The following ITPR2 variants were observed in gnomAD, a reference collection of about 807,000 sequenced individuals.
The protein encoded by ITPR2 is inositol 1,4,5-trisphosphate receptor type 2, also known as inositol 1,4,5-trisphosphate-gated calcium channel ITPR2.
Under a neutral mutation model 317.1 loss-of-function variants are expected in ITPR2, and 207 were observed. The observed-to-expected ratio is 0.65, with a 90% CI of 0.58 to 0.73. ITPR2 has a LOEUF of 0.73. Among genes scored for constraint, ITPR2 ranks in the 30% least tolerant of loss-of-function variants. The probability of loss-of-function intolerance (pLI) is 0.00; values close to 1 mark genes in which losing one functional copy is unlikely to be tolerated. For missense variants in ITPR2, 2,613 were observed against 3,284.0 expected, an observed-to-expected ratio of 0.80 and a Z score of 4.99; for synonymous variants, 1,156 against 1,149.1, an observed-to-expected ratio of 1.01 and a Z score of -0.12.
At chr12:26,674,443 G>A (rs1947860623) in intron 13 of ITPR2, among the ~76,000 whole-genome samples, 1 of 152,128 alleles carries the variant, frequency 6.6e-6, no homozygotes, top group Non-Finnish European at 1.5e-5. Flanking sequence ...CAAGCAATGG[G>A]AAAAGGATTC....
intron 36 of ITPR2, among the ~76,000 whole-genome samples, chr12:26,554,176 T>G (rs1185822878): frequency 6.6e-6 from 1 of 152,202 alleles, no homozygotes; most frequent in African/African-American, 2.4e-5. Context: ...TATCTCCAAG[T>G]TCTAGACCAG....
intron 15 of ITPR2, among the ~76,000 whole-genome samples, chr12:26,659,526 T>A (rs544604128): frequency 1.3e-4 from 20 of 152,352 alleles, no homozygotes; most frequent in African/African-American, 4.6e-4. Context: ...TAATTATCAG[T>A]ATAGGTATTT....
intron 1 of ITPR2, among the ~76,000 whole-genome samples, chr12:26,812,768 T>A (rs1254418960): frequency 6.6e-6 from 1 of 152,252 alleles, no homozygotes; most frequent in Non-Finnish European, 1.5e-5. Flanking sequence ...CGTTAAATGA[T>A]GTTTTCAATT....
intron 13 of ITPR2, among the ~76,000 whole-genome samples, chr12:26,677,539 G>T (rs1947939106): frequency 6.6e-6 from 1 of 152,004 alleles, no homozygotes. Flanking sequence ...GGTTGAAGCT[G>T]CAGTGAGCCA....
At chr12:26,820,735 T>C (rs1347610970) in intron 1 of ITPR2, among the ~76,000 whole-genome samples, 1 of 152,176 alleles carries the variant, frequency 6.6e-6, no homozygotes, top group African/African-American at 2.4e-5. Flanking sequence ...CAAATGCCTA[T>C]CAACTGATGA....
At chr12:26,409,413 G>A (rs979411217) in intron 52 of ITPR2, among the ~76,000 whole-genome samples, 1 of 152,196 alleles carries the variant, frequency 6.6e-6, no homozygotes, top group Non-Finnish European at 1.5e-5. Flanking sequence ...TGCAACTGAA[G>A]AATTGCACAA....
intron 51 of ITPR2, among the ~76,000 whole-genome samples, chr12:26,415,096 T>G (rs1299459799): frequency 6.6e-6 from 1 of 152,118 alleles, no homozygotes; most frequent in Non-Finnish European, 1.5e-5. Flanking sequence ...GTGTTTCTCA[T>G]GTAAGTATTT....
chr12:26,436,253 A>G lies in ITPR2; in HGVS notation c.6737T>C (p.Leu2246Pro), dbSNP rs1404882920. 1 of 1,612,380 alleles carries G rather than the reference A, an allele frequency of 6.2e-7. No individual in the cohort carries two copies. Among genetic ancestry groups the G allele is most frequent in the Non-Finnish European group, 8.5e-7 (1 of 1,179,334 alleles). Residue 2246 changes from leucine (L) to proline (P), a missense_variant, in exon 48 of 57, where the codon CTC becomes CCC. Leu to Pro is a moderately conservative substitution (Grantham distance 98, BLOSUM62 -3). Coordinates refer to ENST00000381340, the MANE Select transcript of ITPR2 (RefSeq NM_002223.4). ...TCCATCATCCCCAAATGGGTAGAAG[A>G]GAGCAACAGCTAAATTGATGAACAC... The part of the protein sequence containing the change: ...LAVFINLAVA[L>P]FYPFGDDGDE...
At chr12:26,625,874 T>G (rs1946611370) in intron 23 of ITPR2, among the ~76,000 whole-genome samples, 1 of 152,192 alleles carries the variant, frequency 6.6e-6, no homozygotes. Context: ...GGGCATTTTT[T>G]TTTCTACGTG....
At chr12:26,615,908 T>C (rs974493255) in intron 26 of ITPR2, among the ~76,000 whole-genome samples, 2 of 152,018 alleles carry the variant, frequency 1.3e-5, no homozygotes, top group Admixed American at 1.3e-4. Flanking sequence ...AAGCTTGATT[T>C]GCCAGTCATC....
Position 26,561,827 on chromosome 12 carries a change from G to A in ITPR2, c.4756C>T (p.Pro1586Ser). 1 of 1,595,752 alleles carries A rather than the reference G, an allele frequency of 6.3e-7. No homozygotes were observed. ...CCTCCAAGAGCTTCCTTAAAGCGTGGCCCAGAGCGAGCTGATAGTCTCCAA... is the reference window on the plus strand; with the variant it reads ...CCTCCAAGAGCTTCCTTAAAGCGTGACCCAGAGCGAGCTGATAGTCTCCAA... The part of the protein sequence containing the change: ...MGWRLSARSG[P>S]RFKEALGGPA... The change falls in exon 35 of 57, where the codon CCA becomes TCA. Residue 1586 changes from proline (P) to serine (S), a missense_variant. By Grantham distance (74) the Pro-to-Ser change is moderately conservative (BLOSUM62 -1). This residue lies in a region of ITPR2 where 926 missense variants were observed against 1,072.8 expected (regional missense o/e 0.86). Coordinates refer to ENST00000381340, the MANE Select transcript of ITPR2 (RefSeq NM_002223.4).
intron 26 of ITPR2, among the ~76,000 whole-genome samples, chr12:26,616,821 T>C (rs2136789706): frequency 6.6e-6 from 1 of 152,270 alleles, no homozygotes; most frequent in Middle Eastern, 3.4e-3. Context: ...CAACCCTCCC[T>C]CTTCCTCCTC....
Position 26,494,214 on chromosome 12 carries a change from A to G in ITPR2, c.5309T>C (p.Ile1770Thr). The G allele has an allele frequency of 6.2e-7, 1 of 1,613,194 alleles. No individual in the cohort carries two copies. The highest frequency in any genetic ancestry group is 8.5e-7 in the Non-Finnish European group (1 of 1,179,622). The change falls in exon 39 of 57, where the codon ATT becomes ACT. Residue 1770 changes from isoleucine (I) to threonine (T), a missense_variant. Physicochemically the swap from Ile to Thr is moderately conservative, Grantham distance 89. Transcript: ENST00000381340. ...GCCGAGGAAAATGCCTTCTGAAAAA[A>G]TTCTGTCATTTTTGGTGTTCACTAT... ...DVIVNTKNDR[I>T]FSEGIFLGIA... is the part of the protein sequence containing the mutation.
intron 18 of ITPR2, among the ~76,000 whole-genome samples, chr12:26,656,781 G>A (rs1194492677): frequency 6.6e-6 from 1 of 152,174 alleles, no homozygotes; most frequent in Non-Finnish European, 1.5e-5. Flanking sequence ...AGCAAAATGT[G>A]TCTGCTGGAG....
At chr12:26,425,822 C>A (rs1383834162) in intron 49 of ITPR2, among the ~76,000 whole-genome samples, 5 of 152,124 alleles carry the variant, frequency 3.3e-5, no homozygotes, top group Non-Finnish European at 7.3e-5. Flanking sequence ...TATATTCTTT[C>A]TCATAAAGAA....
intron 55 of ITPR2, among the ~76,000 whole-genome samples, chr12:26,350,392 C>A (rs775898521): frequency 4.6e-5 from 7 of 152,180 alleles, no homozygotes; most frequent in Admixed American, 2.6e-4. Context: ...CAGCGGGCAT[C>A]CTGGGGGCGA....
intron 48 of ITPR2, among the ~76,000 whole-genome samples, chr12:26,429,075 G>A (rs896670044): frequency 6.6e-6 from 1 of 152,134 alleles, no homozygotes; most frequent in Non-Finnish European, 1.5e-5. Context: ...GGCTTGATAT[G>A]CATAGCTTTT....
In ITPR2 at chr12:26,357,460, T is replaced by C. The variant is rs563637400; in HGVS notation, c.7858-17132A>G. On this transcript the variant is annotated intron_variant, in intron 55 of 56. Coordinates refer to ENST00000381340, the MANE Select transcript of ITPR2 (RefSeq NM_002223.4). ...GTTCCCTCTCAGACCTCACCCCTTGTGTCACTTCATTTGGCAGATTCTCTT... is the reference window on the plus strand; with the variant it reads ...GTTCCCTCTCAGACCTCACCCCTTGCGTCACTTCATTTGGCAGATTCTCTT... Among the ~76,000 whole-genome samples the C allele has an allele frequency of 3.3e-5, 5 of 152,354 alleles. No individual in the cohort carries two copies. In the East Asian group the frequency reaches 5.8e-4, roughly 18 times the overall value.
At chr12:26,747,540 TTATAAA>T (rs906463680) in intron 2 of ITPR2, among the ~76,000 whole-genome samples, 12 of 152,240 alleles carry the variant, frequency 7.9e-5, no homozygotes, top group African/African-American at 1.2e-4. Flanking sequence ...CATGCAAATG[TTATAAA>T]ACTTTATCTA....
Sources: allele counts gnomAD v4.1 joint callset (sites outside exome capture counted in the v4.1 genomes callset), GRCh38; gene constraint gnomAD v4.1.1; regional missense constraint gnomAD v4.1.1; transcripts MANE v1.5; gene names NCBI Gene and HGNC (gene_info 2026-07-23, HGNC 2026-07-21).